AMHR2: variants seen among roughly 807,000 people sequenced by gnomAD.
The protein encoded by AMHR2 is anti-Muellerian hormone type-2 receptor.
In AMHR2, 36 loss-of-function variants were observed where a neutral mutation model predicts 61.4. The observed-to-expected ratio is 0.59, with a 90% CI of 0.45 to 0.77. The LOEUF is 0.77. Among genes scored for constraint, AMHR2 ranks in the 30% least tolerant of loss-of-function variants. AMHR2 has a pLI of 0.00. For synonymous variants in AMHR2, 258 were observed against 279.4 expected, an observed-to-expected ratio of 0.92 and a Z score of 0.76; for missense variants, 638 against 714.6, an observed-to-expected ratio of 0.89 and a Z score of 1.22.
At chr12:53,430,089 C>G (rs544656126) in intron 9 of AMHR2, 57 bp from the exon 10 acceptor site, 3 of 1,614,012 alleles carry the variant, frequency 1.9e-6, no homozygotes, top group Admixed American at 1.7e-5. Flanking sequence ...CTTGCCCTTT[C>G]TACATGGTAG....
Position 53,430,394 on chromosome 12 carries a change from T to C in AMHR2, c.1425+112T>C. The C allele has an allele frequency of 3.2e-6, 5 of 1,551,810 alleles. No individual in the cohort carries two copies. In the East Asian group the frequency reaches 1.1e-4, roughly 35 times the overall value. ...TACTCCTATCTCCACTTATCTCCCA[T>C]CACTCCTTGGTTCATGCTCAGCTGG... On this transcript the variant is annotated intron_variant, in intron 10 of 10. Transcript: ENST00000257863.
intron 9 of AMHR2, 42 bp downstream of exon 9, chr12:53,430,020 C>G (rs376901844): frequency 2.0e-5 from 33 of 1,614,034 alleles, no homozygotes; most frequent in East Asian, 4.5e-5. Flanking sequence ...GGCTCCCCCC[C>G]GCCCATTCTA....
At chr12:53,429,682 ATGCAGCCATTGTGTGT>A (rs1939941798) in intron 8 of AMHR2, 57 bp downstream of exon 8, 1 of 1,605,274 alleles carries the variant, frequency 6.2e-7, no homozygotes, top group African/African-American at 1.3e-5. Flanking sequence ...GCTGATGGCA[ATGCAGCCATTGTGTGT>A]CAACAGTTGT....
intron 6 of AMHR2, among the ~76,000 whole-genome samples, chr12:53,426,208 T>C (rs1481776203): frequency 6.6e-6 from 1 of 152,098 alleles, no homozygotes; most frequent in Non-Finnish European, 1.5e-5. Context: ...TGCACACCTG[T>C]AGTCCCAGCT....
At chr12:53,428,166 G>A (rs1349399198) in intron 6 of AMHR2, among the ~76,000 whole-genome samples, 1 of 152,028 alleles carries the variant, frequency 6.6e-6, no homozygotes, top group Non-Finnish European at 1.5e-5. Flanking sequence ...CTTGGCACTC[G>A]GTTAATTTTC....
At chr12:53,430,685 T>C (rs1032636676) in intron 10 of AMHR2, 19 of 367,578 alleles carry the variant, frequency 5.2e-5, no homozygotes, top group Non-Finnish European at 8.8e-5. Context: ...CATTCTGTCA[T>C]ACATTGATGA....
At chr12:53,431,083 AAGC>A in intron 10 of AMHR2, 91 bp from the exon 11 acceptor site, 1 of 1,459,988 alleles carries the variant, frequency 6.8e-7, no homozygotes, top group Admixed American at 1.7e-5. Flanking sequence ...TGGATGTTGA[AAGC>A]AGGAGAGTGA....
At chr12:53,430,067 G>T (rs577266252) in intron 9 of AMHR2, 79 bp from the exon 10 acceptor site, 206 of 1,613,946 alleles carry the variant, frequency 1.3e-4, no homozygotes, top group Admixed American at 2.5e-4. Context: ...AGAAAGCTCT[G>T]CTCTTCCCTG....
Position 53,424,712 on chromosome 12 carries a change from G to T in AMHR2, c.236G>T (p.Cys79Phe), listed in dbSNP as rs1339831951. ...QDRAQVEMQG[C>F]RDSDEPGCES... ...TCCCCTAATCCCATCCCATCAGGAT[G>T]CCGAGACAGTGATGAGCCAGGCTGT... is the stretch of plus-strand genomic sequence containing the variant. The change falls in exon 3 of 11, where the codon TGC becomes TTC. Residue 79 changes from cysteine (C) to phenylalanine (F), a missense_variant. Transcript: ENST00000257863. 2 of 1,613,480 alleles carry T rather than the reference G, an allele frequency of 1.2e-6. No individual in the cohort carries two copies. Among genetic ancestry groups the T allele is most frequent in the Admixed American group, 3.3e-5 (2 of 59,948 alleles).
Position 53,431,564 on chromosome 12 carries a change from C to T in AMHR2, c.*91C>T. 2 of 1,529,900 alleles carry T rather than the reference C, an allele frequency of 1.3e-6. No individual in the cohort carries two copies. The highest frequency in any genetic ancestry group is 1.8e-6 in the Non-Finnish European group (2 of 1,111,616). The allele number at this position is 1,529,900 out of a possible 1,614,324, so 94.8% of individuals were successfully genotyped here. On this transcript the variant is annotated 3_prime_UTR_variant, in exon 11 of 11. Coordinates refer to ENST00000257863, the MANE Select transcript of AMHR2 (RefSeq NM_020547.3). Reference sequence around the variant, plus strand: ...TCTGCCTCATCACTGCATTTCCCACCTGCCGAATCCTTGGATTCTTCTGCG... The same window carrying T: ...TCTGCCTCATCACTGCATTTCCCACTTGCCGAATCCTTGGATTCTTCTGCG...
At chr12:53,429,797 G>A in intron 8 of AMHR2, 34 bp from the exon 9 acceptor site, 1 of 1,613,970 alleles carries the variant, frequency 6.2e-7, no homozygotes, top group Non-Finnish European at 8.5e-7. Flanking sequence ...TTGCCACAGA[G>A]ATGATTCTTG....
Position 53,431,480 on chromosome 12 carries a change from A to G in AMHR2, c.*7A>G, listed in dbSNP as rs761599027. On this transcript the variant is annotated 3_prime_UTR_variant, in exon 11 of 11. Transcript: ENST00000257863. ...TACCCTTTCTCCTGTGTAAATATGCAGTTTATGTGTCATCAATGTACATGC... is the reference window on the plus strand; with the variant it reads ...TACCCTTTCTCCTGTGTAAATATGCGGTTTATGTGTCATCAATGTACATGC... 1 of 1,614,200 alleles carries G rather than the reference A, an allele frequency of 6.2e-7. No homozygotes were observed. The highest frequency in any genetic ancestry group is 8.5e-7 in the Non-Finnish European group (1 of 1,180,034).
At chr12:53,424,510 G>A in intron 2 of AMHR2, 40 bp downstream of exon 2, 3 of 1,601,734 alleles carry the variant, frequency 1.9e-6, no homozygotes, top group South Asian at 1.1e-5. Flanking sequence ...GCTAGGGTGG[G>A]AGACAGACAC....
In AMHR2 at chr12:53,431,190, T is replaced by C; in HGVS notation, c.1439T>C (p.Leu480Pro). 6.2e-7 allele frequency: 1 copy of C among 1,614,180 alleles called. No homozygotes were observed. Among genetic ancestry groups the C allele is most frequent in the South Asian group, 1.1e-5 (1 of 91,084 alleles). The change falls in exon 11 of 11, where the codon CTG becomes CCG. Residue 480 changes from leucine to proline, a missense_variant. Transcript: ENST00000257863. Reference sequence around the variant, plus strand: ...CATTCCCCCCAGGACCCTGATGGGCTGAGGGAGCTCCTAGAAGACTGTTGG... The same window carrying C: ...CATTCCCCCCAGGACCCTGATGGGCCGAGGGAGCTCCTAGAAGACTGTTGG... ...WRCFATDPDG[L>P]RELLEDCWDA... is the part of the protein sequence containing the mutation.
At position 53,424,833 on chromosome 12, in the gene AMHR2, T is replaced by G. The variant is rs770030378; in HGVS notation, c.357T>G (p.Asn119Lys). The G allele has an allele frequency of 6.2e-6, 10 of 1,613,906 alleles. No homozygotes were observed. The South Asian group carries it at 1.1e-4, about 18-fold the overall frequency. Residue 119 changes from asparagine to lysine, a missense_variant, in exon 3 of 11, where the codon AAT becomes AAG. Physicochemically the swap from Asn to Lys is moderately conservative, Grantham distance 94. Transcript: ENST00000257863. ...GTGGCACTGACTTCTGCAATGCCAATTACAGCCATCTGCCTCCTCCAGGGA... is the reference window on the plus strand; with the variant it reads ...GTGGCACTGACTTCTGCAATGCCAAGTACAGCCATCTGCCTCCTCCAGGGA... ...CSCGTDFCNA[N>K]YSHLPPPGSP...
Position 53,431,199 on chromosome 12 carries a change from T to G in AMHR2, c.1448T>G (p.Leu483Arg). The G allele has an allele frequency of 1.2e-6, 2 of 1,614,148 alleles. No homozygotes were observed. Among genetic ancestry groups the G allele is most frequent in the South Asian group, 2.2e-5 (2 of 91,086 alleles). The change falls in exon 11 of 11, where the codon CTC becomes CGC. Residue 483 changes from leucine to arginine, a missense_variant. Transcript: ENST00000257863. ...CAGGACCCTGATGGGCTGAGGGAGC[T>G]CCTAGAAGACTGTTGGGATGCAGAC... ...FATDPDGLRELLEDCWDADPE... is the reference protein window; with the variant it reads ...FATDPDGLRERLEDCWDADPE...
chr12:53,428,579 G>C (rs1001258122), intron 6 of AMHR2, among the ~76,000 whole-genome samples: 6 of 152,170 alleles, frequency 3.9e-5, no homozygotes, highest in African/African-American at 9.7e-5. Context: ...AGTTCTGTAA[G>C]GAAAAGCTCT....
chr12:53,430,929 A>T, intron 10 of AMHR2: 1 of 580,402 alleles, frequency 1.7e-6, no homozygotes, highest in Non-Finnish European at 3.1e-6. Context: ...TTAGCATATT[A>T]AGCTGTCAAC....
In AMHR2 at chr12:53,425,524, G is replaced by A. The variant is rs764571819; in HGVS notation, c.572G>A (p.Arg191Lys). The change falls in exon 5 of 11, where the codon AGG becomes AAG. Residue 191 changes from arginine (R) to lysine (K), a missense_variant. Physicochemically the swap from Arg to Lys is conservative, Grantham distance 26. Coordinates refer to ENST00000257863, the MANE Select transcript of AMHR2 (RefSeq NM_020547.3). ...PVPEPRPDSG[R>K]DWSVELQELP... ...CCAGAGCCAAGGCCAGACTCAGGCA[G>A]GGACTGGAGTGTGGAGCTGCAGGAG... 3 of 1,614,126 alleles carry A rather than the reference G, an allele frequency of 1.9e-6. No individual in the cohort carries two copies. The Admixed American group carries it at 5.0e-5, about 27-fold the overall frequency.
Sources: gnomAD v4.1 joint callset for allele counts (sites outside exome capture counted in the v4.1 genomes callset) on GRCh38, gnomAD v4.1.1 for gene constraint, MANE v1.5 for transcripts, NCBI Gene and HGNC (gene_info 2026-07-23, HGNC 2026-07-21) for gene names.